EIF4E2: variants seen among roughly 807,000 people sequenced by gnomAD.
EIF4E2 encodes the protein eukaryotic translation initiation factor 4E type 2.
EIF4E2 carries 13 observed loss-of-function variants against 34.2 expected under a neutral mutation model. That is an observed-to-expected ratio of 0.38 (90% CI 0.25 to 0.60). The LOEUF (loss-of-function observed/expected upper bound fraction) is 0.60. Among genes scored for constraint, EIF4E2 ranks in the 20% least tolerant of loss-of-function variants. EIF4E2 has a pLI of 0.62. For missense variants in EIF4E2, 222 were observed against 315.1 expected (o/e 0.70, Z 2.24); for synonymous variants, 100 against 106.6 (o/e 0.94, Z 0.38).
In EIF4E2 at chr2:232,562,552, T is replaced by C. The variant is rs557059668; in HGVS notation, c.271-1695T>C. Among the ~76,000 whole-genome samples, 9 of 152,246 alleles carry C rather than the reference T, an allele frequency of 5.9e-5. No homozygotes were observed. In the East Asian group the frequency reaches 1.7e-3, roughly 29 times the overall value. On this transcript the variant is annotated intron_variant, in intron 3 of 6. Coordinates refer to ENST00000258416, the MANE Select transcript of EIF4E2 (RefSeq NM_004846.4). The stretch of plus-strand genomic sequence containing the variant: ...AGTGAGCTGAGGCAGGCTGCACCAT[T>C]GCACTCCAGCCTGGACAAAAAGAGC...
At chr2:232,554,957 A>G (rs1216474836) in intron 1 of EIF4E2, among the ~76,000 whole-genome samples, 1 of 152,156 alleles carries the variant, frequency 6.6e-6, no homozygotes, top group Non-Finnish European at 1.5e-5. Flanking sequence ...GGTCAGGTGC[A>G]CTTCCTAGTT....
intron 1 of EIF4E2, chr2:232,551,197 A>G (rs1304592720): frequency 1.2e-5 from 6 of 486,006 alleles, no homozygotes; most frequent in Non-Finnish European, 2.5e-5. Flanking sequence ...CCTTTGTCGT[A>G]GAGTTTGGAG....
chr2:232,559,680 A>G (rs1692651668), intron 3 of EIF4E2, among the ~76,000 whole-genome samples: 1 of 152,124 alleles, frequency 6.6e-6, no homozygotes, highest in Non-Finnish European at 1.5e-5. Flanking sequence ...ACGGTGGCTC[A>G]TGCCTGTAAT....
intron 6 of EIF4E2, among the ~76,000 whole-genome samples, chr2:232,575,131 T>C (rs1022776191): frequency 1.3e-5 from 2 of 152,134 alleles, no homozygotes; most frequent in South Asian, 4.1e-4. Flanking sequence ...CCCTAAGAAA[T>C]AGAGTAGTTG....
At chr2:232,550,810 G>T in intron 1 of EIF4E2, 66 bp downstream of exon 1, 1 of 1,445,580 alleles carries the variant, frequency 6.9e-7, no homozygotes, top group East Asian at 2.6e-5. Context: ...CGCCCCCGCT[G>T]GGGCTGGGGC....
chr2:232,554,447 A>G (rs1692451453), intron 1 of EIF4E2, among the ~76,000 whole-genome samples: 1 of 152,116 alleles, frequency 6.6e-6, no homozygotes, highest in South Asian at 2.1e-4. Flanking sequence ...ATATCTGTGT[A>G]CCTTTTCTCC....
chr2:232,560,194 G>C (rs181918595), intron 3 of EIF4E2, among the ~76,000 whole-genome samples: 1 of 152,142 alleles, frequency 6.6e-6, no homozygotes, highest in East Asian at 1.9e-4. Flanking sequence ...TCTCTTCATC[G>C]TATCCTTTGT....
chr2:232,581,296 A>G lies in EIF4E2; in HGVS notation c.*353A>G, dbSNP rs1233740655. ...CGAAGGGTACCGTGGCCACGTGTAC[A>G]TGCCAGAGCTGTTGATGAGAGTTAC... On this transcript the variant is annotated 3_prime_UTR_variant, in exon 7 of 7. Coordinates refer to the EIF4E2 transcript ENST00000409098. The surrounding 1 kb of genome is among the most constrained non-coding windows in gnomAD (Gnocchi z 5.2). 2.5e-6 allele frequency: 1 copy of G among 400,300 alleles called. No individual in the cohort carries two copies. Among genetic ancestry groups the G allele is most frequent in the Non-Finnish European group, 4.8e-6 (1 of 209,870 alleles). 24.8% of individuals were successfully genotyped at this position (400,300 alleles called of 1,614,324 possible).
At chr2:232,557,708 G>A in intron 2 of EIF4E2, 176 bp from the exon 3 acceptor site, 1 of 716,670 alleles carries the variant, frequency 1.4e-6, no homozygotes. Context: ...TTTAGAATCA[G>A]TTAACCACTG....
At chr2:232,551,917 T>G (rs1692348360) in intron 1 of EIF4E2, among the ~76,000 whole-genome samples, 1 of 152,102 alleles carries the variant, frequency 6.6e-6, no homozygotes, top group Admixed American at 6.6e-5. Flanking sequence ...TTGCCCGACC[T>G]CTTCTCTATC....
At chr2:232,571,289 C>A (rs1182206691), downstream of EIF4E2, among the ~76,000 whole-genome samples, 1 of 152,232 alleles carries the variant, frequency 6.6e-6, no homozygotes. Flanking sequence ...TCATTCACCC[C>A]TAAGACGTGG....
At chr2:232,580,187 A>C (rs1693316306) in intron 6 of EIF4E2, among the ~76,000 whole-genome samples, 1 of 151,740 alleles carries the variant, frequency 6.6e-6, no homozygotes, top group African/African-American at 2.4e-5. Context: ...CCCAGATTTT[A>C]CTTCCTGGAA....
At chr2:232,580,877 C>G in intron 6 of EIF4E2, 10 of 1,541,170 alleles carry the variant, frequency 6.5e-6, no homozygotes, top group Middle Eastern at 2.2e-4. Flanking sequence ...ATTGAACACT[C>G]TATTTTCTCC....
intron 6 of EIF4E2, among the ~76,000 whole-genome samples, chr2:232,579,992 G>A (rs912407080): frequency 1.3e-5 from 2 of 151,532 alleles, no homozygotes; most frequent in Admixed American, 6.6e-5. Context: ...TTCTAGGGTG[G>A]GACAGGAAAA....
chr2:232,570,671 G>A (rs572878132), downstream of EIF4E2, among the ~76,000 whole-genome samples: 2 of 152,336 alleles, frequency 1.3e-5, no homozygotes, highest in African/African-American at 2.4e-5. Flanking sequence ...GAGGCCGGGC[G>A]AGGTGGCTCA....
intron 3 of EIF4E2, among the ~76,000 whole-genome samples, chr2:232,562,271 A>G (rs1692751574): frequency 1.3e-5 from 2 of 152,024 alleles, no homozygotes; most frequent in African/African-American, 2.4e-5. Context: ...CATCTCTCTT[A>G]TGGTTTGCAT....
rs1356803431 is a variant in EIF4E2, at chr2:232,566,023, C to A, written c.376-806C>A. Among the ~76,000 whole-genome samples, 1 of 150,706 alleles carries A rather than the reference C, an allele frequency of 6.6e-6. No homozygotes were observed. Among genetic ancestry groups the A allele is most frequent in the Non-Finnish European group, 1.5e-5 (1 of 67,854 alleles). On this transcript the variant is annotated intron_variant, in intron 4 of 6. Transcript: ENST00000258416. The surrounding 1 kb of genome is among the most constrained non-coding windows in gnomAD (Gnocchi z 4.9). ...AGGAGAATCGCTTGAACCCAAGAGG[C>A]AGAAGTGGCAGTGAGCCGATATCGC...
At chr2:232,571,709 T>A (rs1029771563), downstream of EIF4E2, among the ~76,000 whole-genome samples, 1 of 152,186 alleles carries the variant, frequency 6.6e-6, no homozygotes, top group African/African-American at 2.4e-5. Flanking sequence ...TAGATATCAT[T>A]GTATTTCAAC....
chr2:232,582,005 G>A (rs1472149901), exon 7 of EIF4E2: 1 of 152,338 alleles, frequency 6.6e-6, no homozygotes, highest in African/African-American at 2.4e-5. Context: ...ATGAGCAAAT[G>A]TGTGCTGATT....
Sources: gnomAD v4.1 joint callset for allele counts (sites outside exome capture counted in the v4.1 genomes callset) on GRCh38, gnomAD v4.1.1 for gene constraint, Gnocchi (gnomAD v3.1) non-coding constraint, MANE v1.5 for transcripts, NCBI Gene and HGNC (gene_info 2026-07-23, HGNC 2026-07-21) for gene names.